The following CLDN16 variants were observed in gnomAD, a reference collection of about 807,000 sequenced individuals.
CLDN16 encodes claudin-16.
A neutral mutation model predicts 24.6 loss-of-function variants in CLDN16; 13 were observed. The observed-to-expected ratio is 0.53, with a 90% CI of 0.34 to 0.84. The LOEUF (loss-of-function observed/expected upper bound fraction) is 0.84. Ranked by LOEUF, CLDN16 falls within the 40% of genes least tolerant of loss-of-function variation. The pLI is 0.01. For missense variants in CLDN16, 298 were observed against 292.7 expected, an observed-to-expected ratio of 1.02 and a Z score of -0.13; for synonymous variants, 116 against 106.7, an observed-to-expected ratio of 1.09 and a Z score of -0.54.
At chr3:190,322,230 G>C, upstream of CLDN16, 1 of 1,607,062 alleles carries the variant, frequency 6.2e-7, no homozygotes, top group South Asian at 1.1e-5. Context: ...GCCCGCGCTG[G>C]CTCAGGGGTG....
chr3:190,398,920 C>T (rs868254829), intron 1 of CLDN16, among the ~76,000 whole-genome samples: 1 of 152,124 alleles, frequency 6.6e-6, no homozygotes, highest in Admixed American at 6.5e-5. Flanking sequence ...GTGTAATGCA[C>T]ATATAAATTT....
the CLDN16 span, chr3:190,305,802 G>T: frequency 1.3e-5 from 2 of 152,126 alleles, no homozygotes; most frequent in African/African-American, 4.8e-5. Flanking sequence ...CTGTTTCCAG[G>T]TGTGGTAGAA....
chr3:190,297,478 T>A, the CLDN16 span, among the ~76,000 whole-genome samples: 1 of 126,926 alleles, frequency 7.9e-6, no homozygotes, highest in Admixed American at 8.4e-5. Flanking sequence ...TTATATTATC[T>A]ATATATTATA....
intron 1 of CLDN16, among the ~76,000 whole-genome samples, chr3:190,336,571 G>C (rs374885801): frequency 6.6e-6 from 1 of 152,220 alleles, no homozygotes; most frequent in African/African-American, 2.4e-5. Flanking sequence ...GAGCAAGAAA[G>C]GGCATGTTCA....
the CLDN16 span, among the ~76,000 whole-genome samples, chr3:190,305,269 G>A: frequency 6.6e-6 from 1 of 152,144 alleles, no homozygotes; most frequent in Non-Finnish European, 1.5e-5. Context: ...TTAAGATAAT[G>A]AGTGAATGAG....
intron 2 of CLDN16, among the ~76,000 whole-genome samples, chr3:190,373,627 C>T (rs2108648787): frequency 6.6e-6 from 1 of 151,648 alleles, no homozygotes; most frequent in Middle Eastern, 3.4e-3. Flanking sequence ...TTAAATAATG[C>T]TGTTGTGCAT....
At chr3:190,404,360 T>C (rs182441223) in intron 2 of CLDN16, among the ~76,000 whole-genome samples, 1 of 152,320 alleles carries the variant, frequency 6.6e-6, no homozygotes, top group East Asian at 1.9e-4. Flanking sequence ...TTAAAGTGAT[T>C]ATTTATTCAA....
At chr3:190,396,993 C>A (rs372121529) in intron 1 of CLDN16, among the ~76,000 whole-genome samples, 1 of 152,254 alleles carries the variant, frequency 6.6e-6, no homozygotes, top group East Asian at 1.9e-4. Flanking sequence ...ACCTGGTGAG[C>A]CTGAGCTCCA....
upstream of CLDN16, among the ~76,000 whole-genome samples, chr3:190,387,234 A>G (rs1364053197): frequency 6.6e-6 from 1 of 152,228 alleles, no homozygotes; most frequent in Non-Finnish European, 1.5e-5. Flanking sequence ...ATTAAAGAGT[A>G]TTGGTTATGG....
At chr3:190,344,811 G>T (rs956974492) in intron 1 of CLDN16, among the ~76,000 whole-genome samples, 16 of 152,104 alleles carry the variant, frequency 1.1e-4, no homozygotes, top group Non-Finnish European at 2.4e-4. Flanking sequence ...GTAAAAGGGG[G>T]TCTTCTTGCT....
chr3:190,347,839 A>G (rs761938249), intron 1 of CLDN16, among the ~76,000 whole-genome samples: 3 of 152,130 alleles, frequency 2.0e-5, no homozygotes, highest in Non-Finnish European at 2.9e-5. Flanking sequence ...ATCTAAGTGC[A>G]CAAAAGCCCA....
At chr3:190,370,141 C>T (rs183339077) in intron 1 of CLDN16, among the ~76,000 whole-genome samples, 548 of 152,006 alleles carry the variant, frequency 3.6e-3, no homozygotes, top group Non-Finnish European at 5.0e-3. Flanking sequence ...ATTTCTGGAA[C>T]GTTGAAAGGG....
the CLDN16 span, chr3:190,310,248 C>A: frequency 1.2e-6 from 2 of 1,612,610 alleles, no homozygotes; most frequent in African/African-American, 2.7e-5. Flanking sequence ...ACTAAAATAG[C>A]CAGACCTATA....
At chr3:190,355,643 CTTG>C (rs565599891) in intron 1 of CLDN16, among the ~76,000 whole-genome samples, 39 of 151,828 alleles carry the variant, frequency 2.6e-4, no homozygotes, top group African/African-American at 8.2e-4. Context: ...AATAAATATT[CTTG>C]TTGTTACAAT....
upstream of CLDN16, among the ~76,000 whole-genome samples, chr3:190,386,089 G>A (rs1718490880): frequency 1.3e-5 from 2 of 152,120 alleles, no homozygotes; most frequent in African/African-American, 4.8e-5. Flanking sequence ...TCAGCAACAA[G>A]TCCAGGACTT....
chr3:190,404,683 G>A, intron 2 of CLDN16, 79 bp from the exon 3 acceptor site: 4 of 1,445,824 alleles, frequency 2.8e-6, no homozygotes, highest in Non-Finnish European at 3.9e-6. Context: ...CTACTTGTCT[G>A]TTTTTTTTGC....
intron 1 of CLDN16, among the ~76,000 whole-genome samples, chr3:190,369,016 A>G (rs1718080901): frequency 6.6e-6 from 1 of 151,984 alleles, no homozygotes; most frequent in Admixed American, 6.6e-5. Context: ...AACATCTTTC[A>G]GCCTCTGATC....
chr3:190,304,855 G>A, the CLDN16 span, among the ~76,000 whole-genome samples: 406 of 152,258 alleles, frequency 2.7e-3, 1 homozygote, highest in Non-Finnish European at 3.8e-3. Flanking sequence ...GGCAAATATA[G>A]AAAGTGTTAA....
chr3:190,294,062 A>G, the CLDN16 span, among the ~76,000 whole-genome samples: 1 of 152,212 alleles, frequency 6.6e-6, no homozygotes, highest in Non-Finnish European at 1.5e-5. Flanking sequence ...GAATGTCAGG[A>G]AGGAGAAACC....
Sources: gnomAD v4.1 joint callset for allele counts (sites outside exome capture counted in the v4.1 genomes callset) on GRCh38, gnomAD v4.1.1 for gene constraint, MANE v1.5 for transcripts, NCBI Gene and HGNC (gene_info 2026-07-23, HGNC 2026-07-21) for gene names.